The following ROBO1 variants were observed in gnomAD, a reference collection of about 807,000 sequenced individuals.
ROBO1 encodes roundabout guidance receptor 1, also known as roundabout homolog 1.
ROBO1 carries 149 observed loss-of-function variants against 195.9 expected under a neutral mutation model. That is an observed-to-expected ratio of 0.76 (90% confidence interval 0.67 to 0.87). The LOEUF (loss-of-function observed/expected upper bound fraction) is 0.87. ROBO1 is among the 40% of genes least tolerant of loss of function. ROBO1 has a pLI of 0.00. For missense variants in ROBO1, 1,933 were observed against 2,068.3 expected (o/e 0.93, Z 1.27); for synonymous variants, 816 against 733.2 (o/e 1.11, Z -1.82).
chr3:79,712,116 C>G (rs901819630), intron 1 of ROBO1, among the ~76,000 whole-genome samples: 1 of 152,044 alleles, frequency 6.6e-6, no homozygotes, highest in African/African-American at 2.4e-5. Context: ...CTACAAAGAC[C>G]TCTAAAATGT....
intron 2 of ROBO1, among the ~76,000 whole-genome samples, chr3:79,458,078 A>T (rs2107240418): frequency 6.6e-6 from 1 of 152,324 alleles, no homozygotes; most frequent in South Asian, 2.1e-4. Flanking sequence ...GCTTTGGGGC[A>T]AAAAAGAAAA....
chr3:79,372,474 G>T (rs2109342660), intron 2 of ROBO1, among the ~76,000 whole-genome samples: 1 of 152,204 alleles, frequency 6.6e-6, no homozygotes, highest in Non-Finnish European at 1.5e-5. Flanking sequence ...CTCCCAAAGT[G>T]CTGGGATTAC....
At chr3:79,356,527 A>G (rs1262340857) in intron 2 of ROBO1, among the ~76,000 whole-genome samples, 1 of 152,248 alleles carries the variant, frequency 6.6e-6, no homozygotes, top group Non-Finnish European at 1.5e-5. Flanking sequence ...TGCTTTGATT[A>G]CAATACTGAC....
At chr3:78,970,505 T>G (rs916531468) in intron 3 of ROBO1, among the ~76,000 whole-genome samples, 1 of 152,172 alleles carries the variant, frequency 6.6e-6, no homozygotes, top group Non-Finnish European at 1.5e-5. Flanking sequence ...TATTTACATG[T>G]TTTAGAAACT....
intron 3 of ROBO1, among the ~76,000 whole-genome samples, chr3:78,966,871 C>T (rs139057453): frequency 3.7e-4 from 57 of 152,308 alleles, no homozygotes; most frequent in Admixed American, 5.9e-4. Flanking sequence ...TTATAGCACA[C>T]AACTCTTTCT....
At chr3:78,920,864 A>C (rs2038906472) in intron 4 of ROBO1, among the ~76,000 whole-genome samples, 1 of 151,642 alleles carries the variant, frequency 6.6e-6, no homozygotes, top group Admixed American at 6.6e-5. Flanking sequence ...ATTTTTGCAG[A>C]GGCAAGATCT....
chr3:78,743,276 G>A (rs934863683), intron 5 of ROBO1, among the ~76,000 whole-genome samples: 2 of 151,958 alleles, frequency 1.3e-5, no homozygotes, highest in African/African-American at 4.8e-5. Flanking sequence ...TCTTGTCAAG[G>A]TCATTTATGA....
intron 2 of ROBO1, among the ~76,000 whole-genome samples, chr3:79,466,375 A>G (rs957464536): frequency 6.6e-6 from 1 of 152,150 alleles, no homozygotes; most frequent in Non-Finnish European, 1.5e-5. Context: ...ATTCTTTTTA[A>G]ATTTCTTCAA....
intron 2 of ROBO1, among the ~76,000 whole-genome samples, chr3:79,390,452 T>C (rs992239703): frequency 6.6e-6 from 1 of 151,892 alleles, no homozygotes; most frequent in Non-Finnish European, 1.5e-5. Context: ...CACACCAACA[T>C]TTAGACACCA....
chr3:79,495,064 C>A lies in ROBO1; in HGVS notation c.88+94760G>T, dbSNP rs193012587. ...AGATAATTTGTTTATTGCCTCTTACCCTGATTAGAATGTATACTCTGAAAG... is the reference window on the plus strand; with the variant it reads ...AGATAATTTGTTTATTGCCTCTTACACTGATTAGAATGTATACTCTGAAAG... On this transcript the variant is annotated intron_variant, in intron 2 of 30. Coordinates refer to ENST00000464233, the MANE Select transcript of ROBO1 (RefSeq NM_002941.4). Among the ~76,000 whole-genome samples the A allele has an allele frequency of 2.8e-3, 428 of 152,092 alleles. 3 individuals are homozygous for A. The highest frequency in any genetic ancestry group is 9.9e-3 in the African/African-American group (411 of 41,494).
chr3:79,532,250 C>A (rs911241917), intron 2 of ROBO1, among the ~76,000 whole-genome samples: 15 of 151,840 alleles, frequency 9.9e-5, no homozygotes, highest in African/African-American at 3.6e-4. Flanking sequence ...ACTAAGTCCA[C>A]GTAAAGTGAC....
chr3:78,752,414 T>G (rs917443604), intron 4 of ROBO1, among the ~76,000 whole-genome samples: 8 of 152,138 alleles, frequency 5.3e-5, no homozygotes, highest in Non-Finnish European at 1.0e-4. Context: ...TTCACCTTTT[T>G]GGGAAACAGT....
intron 3 of ROBO1, among the ~76,000 whole-genome samples, chr3:78,989,058 G>A (rs574733741): frequency 2.3e-4 from 35 of 152,234 alleles, no homozygotes; most frequent in African/African-American, 8.2e-4. Context: ...ATTACAGGTA[G>A]ATAGGAGGAA....
In ROBO1 at chr3:78,711,356, TTCCTTCCTTCCTTCCTTC is replaced by T. The variant is rs2081704187; in HGVS notation, c.1045+3023_1045+3040del. On this transcript the variant is annotated intron_variant, in intron 8 of 30. Transcript: ENST00000464233. Reference sequence around the variant, plus strand: ...CCTTCCTTCCTTCCTTCCTCCTTCCTTCCTTCCTTCCTTCCTTCCTTCCTTCCTTCCTTCCTTCCTTCC... The same window carrying T: ...CCTTCCTTCCTTCCTTCCTCCTTCCTCTTCCTTCCTTCCTTCCTTCCTTCC... Among the ~76,000 whole-genome samples, 14 of 40,236 alleles carry T rather than the reference TTCCTTCCTTCCTTCCTTC, an allele frequency of 3.5e-4. 1 individual carries two copies. Among genetic ancestry groups the T allele is most frequent in the African/African-American group, 1.7e-3 (13 of 7,646 alleles). The allele number at this position is 40,236 out of a possible 152,430, so 26.4% of individuals were successfully genotyped here.
chr3:79,457,118 TCAGTAGGAAG>T (rs990720241), intron 2 of ROBO1, among the ~76,000 whole-genome samples: 1 of 152,136 alleles, frequency 6.6e-6, no homozygotes, highest in Non-Finnish European at 1.5e-5. Context: ...TTTGGAAGAA[TCAGTAGGAAG>T]CAGTTGATTT....
intron 3 of ROBO1, among the ~76,000 whole-genome samples, chr3:78,954,415 A>G (rs2040938907): frequency 6.6e-6 from 1 of 152,100 alleles, no homozygotes; most frequent in Non-Finnish European, 1.5e-5. Flanking sequence ...GCCAGAGTAT[A>G]GATTGTTTGT....
chr3:78,684,274 T>C (rs1420339368), intron 10 of ROBO1, among the ~76,000 whole-genome samples: 1 of 152,120 alleles, frequency 6.6e-6, no homozygotes, highest in African/African-American at 2.4e-5. Context: ...GGCAAAAATA[T>C]ACACAAAAGT....
At chr3:79,352,206 G>A (rs1271389371) in intron 2 of ROBO1, among the ~76,000 whole-genome samples, 1 of 152,112 alleles carries the variant, frequency 6.6e-6, no homozygotes. Context: ...AAGTCATGGA[G>A]GAAGGAATAA....
At chr3:79,711,418 A>G (rs975675181) in intron 1 of ROBO1, among the ~76,000 whole-genome samples, 2 of 152,222 alleles carry the variant, frequency 1.3e-5, no homozygotes, top group African/African-American at 4.8e-5. Context: ...GTAAGAATAA[A>G]TATAGCTCAG....
Sources: gnomAD v4.1 joint callset for allele counts (sites outside exome capture counted in the v4.1 genomes callset) on GRCh38, gnomAD v4.1.1 for gene constraint, MANE v1.5 for transcripts, NCBI Gene and HGNC (gene_info 2026-07-23, HGNC 2026-07-21) for gene names.